RNF150: variants seen among roughly 807,000 people sequenced by gnomAD.
RNF150 encodes ring finger protein 150.
RNF150 carries 24 observed loss-of-function variants against 39.3 expected under a neutral mutation model. That is an observed-to-expected ratio of 0.61 (90% CI 0.44 to 0.86). The LOEUF (loss-of-function observed/expected upper bound fraction) is 0.86, where lower values mean the gene tolerates loss of function less well. RNF150 is among the 40% of genes least tolerant of loss of function. The pLI is 0.00. For synonymous variants in RNF150, 255 were observed against 227.3 expected, an observed-to-expected ratio of 1.12 and a Z score of -1.10; for missense variants, 502 against 587.8, an observed-to-expected ratio of 0.85 and a Z score of 1.51.
At chr4:141,093,088 T>C (rs1738649845) in intron 1 of RNF150, among the ~76,000 whole-genome samples, 1 of 151,898 alleles carries the variant, frequency 6.6e-6, no homozygotes, top group Non-Finnish European at 1.5e-5. Context: ...AACTGGTGGC[T>C]GGGCGCGGCG....
At position 140,866,076 on chromosome 4, in the gene RNF150, AAC is replaced by A. The variant is rs1206289585; in HGVS notation, c.*2183_*2184del. 2 of 152,218 alleles carry A rather than the reference AAC, an allele frequency of 1.3e-5. No homozygotes were observed. The highest frequency in any genetic ancestry group is 2.9e-5 in the Non-Finnish European group (2 of 68,036). The allele number at this position is 152,218 out of a possible 1,614,324, so 9.4% of individuals were successfully genotyped here. On this transcript the variant is annotated 3_prime_UTR_variant, in exon 7 of 7. Coordinates refer to ENST00000515673, the MANE Select transcript of RNF150 (RefSeq NM_020724.2). ...TCCAGAGATTGCAAACTCTGTGACTAACAGCAATTTTTAAACAAGGCAAAACA... is the reference window on the plus strand; with the variant it reads ...TCCAGAGATTGCAAACTCTGTGACTAAGCAATTTTTAAACAAGGCAAAACA...
intron 4 of RNF150, among the ~76,000 whole-genome samples, chr4:140,936,199 C>T (rs908608624): frequency 5.3e-5 from 8 of 152,134 alleles, no homozygotes; most frequent in Non-Finnish European, 1.2e-4. Context: ...GACATCTGTA[C>T]TGTCCTCATT....
At chr4:141,124,985 T>C (rs915643468) in intron 1 of RNF150, among the ~76,000 whole-genome samples, 3 of 152,224 alleles carry the variant, frequency 2.0e-5, no homozygotes, top group African/African-American at 7.2e-5. Context: ...CACTTACTTT[T>C]AGTGAAAATC....
At chr4:140,907,655 T>TAAATG (rs753682806) in intron 6 of RNF150, among the ~76,000 whole-genome samples, 3 of 152,202 alleles carry the variant, frequency 2.0e-5, no homozygotes, top group Non-Finnish European at 4.4e-5. Context: ...ACAAATAAAC[T>TAAATG]AAATGAAAAG....
At chr4:140,965,117 T>C (rs1733186223) in intron 2 of RNF150, among the ~76,000 whole-genome samples, 1 of 152,108 alleles carries the variant, frequency 6.6e-6, no homozygotes, top group African/African-American at 2.4e-5. Context: ...GGTGAAAACA[T>C]GAATGCTTTT....
intron 1 of RNF150, among the ~76,000 whole-genome samples, chr4:140,979,637 G>C (rs1178543690): frequency 6.6e-6 from 1 of 151,840 alleles, no homozygotes; most frequent in Non-Finnish European, 1.5e-5. Context: ...GAGTGGGAAG[G>C]AGCACACTAA....
chr4:141,054,163 C>A (rs1292654824), intron 1 of RNF150, among the ~76,000 whole-genome samples: 2 of 152,084 alleles, frequency 1.3e-5, no homozygotes, highest in African/African-American at 2.4e-5. Context: ...ATTGCATTTT[C>A]TATTTTGTTC....
intron 1 of RNF150, among the ~76,000 whole-genome samples, chr4:141,210,218 G>C (rs1728440186): frequency 6.6e-6 from 1 of 152,066 alleles, no homozygotes. Context: ...TTAATCTGTG[G>C]ACACTCTGGA....
intron 1 of RNF150, among the ~76,000 whole-genome samples, chr4:141,209,743 T>A (rs538201776): frequency 6.6e-6 from 1 of 152,076 alleles, no homozygotes; most frequent in African/African-American, 2.4e-5. Context: ...TAATTCCCCA[T>A]CCACCCAAAA....
chr4:141,019,210 C>T (rs552862518), intron 1 of RNF150, among the ~76,000 whole-genome samples: 1 of 151,522 alleles, frequency 6.6e-6, no homozygotes, highest in African/African-American at 2.4e-5. Context: ...TATGAAAAGA[C>T]ACATACTCTT....
intron 1 of RNF150, among the ~76,000 whole-genome samples, chr4:141,128,602 T>C (rs930692726): frequency 3.3e-5 from 5 of 152,164 alleles, no homozygotes; most frequent in African/African-American, 4.8e-5. Context: ...CTTTTACTAC[T>C]TGGAAGATGC....
intron 1 of RNF150, among the ~76,000 whole-genome samples, chr4:141,025,252 T>C (rs1735652463): frequency 1.3e-5 from 2 of 151,918 alleles, no homozygotes; most frequent in African/African-American, 4.8e-5. Flanking sequence ...TGAAAACAAA[T>C]AACCAAATTG....
Position 141,204,038 on chromosome 4 carries a change from C to A in RNF150, c.-6+8756G>T, listed in dbSNP as rs575609137. On this transcript the variant is annotated intron_variant, in intron 1 of 7. Transcript: ENST00000420921. ...AGCCATTCAGGAACTGAAAGCAGCT[C>A]ATTGTGGATAAAGACTGGGGTGTTG... Among the ~76,000 whole-genome samples the A allele has an allele frequency of 2.0e-5, 3 of 152,114 alleles. No homozygotes were observed. The East Asian group carries it at 5.8e-4, about 29-fold the overall frequency.
chr4:141,161,870 C>T (rs2111158926), intron 1 of RNF150, among the ~76,000 whole-genome samples: 1 of 152,312 alleles, frequency 6.6e-6, no homozygotes, highest in Non-Finnish European at 1.5e-5. Flanking sequence ...GGAGCCTCTG[C>T]CTGTATTTCA....
chr4:140,888,278 G>A (rs939995801), intron 6 of RNF150, among the ~76,000 whole-genome samples: 1 of 152,120 alleles, frequency 6.6e-6, no homozygotes, highest in African/African-American at 2.4e-5. Flanking sequence ...ACAGAAAAGA[G>A]GCTTGATGTT....
intron 1 of RNF150, among the ~76,000 whole-genome samples, chr4:141,148,775 C>G (rs1727245401): frequency 6.6e-6 from 1 of 152,024 alleles, no homozygotes; most frequent in Admixed American, 6.6e-5. Context: ...GTCCCTGTTT[C>G]TTTTTTTTCC....
At chr4:141,136,715 CA>C (rs1727032826), upstream of RNF150, among the ~76,000 whole-genome samples, 2 of 152,126 alleles carry the variant, frequency 1.3e-5, no homozygotes, top group Non-Finnish European at 2.9e-5. Context: ...CCAACTGAAA[CA>C]AAACAGATAA....
intron 1 of RNF150, among the ~76,000 whole-genome samples, chr4:141,120,768 C>T (rs568766162): frequency 2.6e-5 from 4 of 152,210 alleles, no homozygotes; most frequent in Non-Finnish European, 4.4e-5. Flanking sequence ...GGCCAAACCA[C>T]GGAAGAGGGC....
At chr4:141,090,930 A>T (rs1738557366) in intron 1 of RNF150, among the ~76,000 whole-genome samples, 1 of 152,226 alleles carries the variant, frequency 6.6e-6, no homozygotes, top group African/African-American at 2.4e-5. Flanking sequence ...AAGAAGCCAT[A>T]GGAGGTCTGT....
Sources: gnomAD v4.1 joint callset for allele counts (sites outside exome capture counted in the v4.1 genomes callset) on GRCh38, gnomAD v4.1.1 for gene constraint, MANE v1.5 for transcripts, NCBI Gene and HGNC (gene_info 2026-07-23, HGNC 2026-07-21) for gene names.